The following GLIS1 variants were observed in gnomAD, a reference collection of about 807,000 sequenced individuals.
GLIS1 encodes zinc finger protein GLIS1.
Under a neutral mutation model 63.8 loss-of-function variants are expected in GLIS1, and 24 were observed. That is an observed-to-expected ratio of 0.38 (90% CI 0.27 to 0.53). The LOEUF is 0.53. Ranked by LOEUF, GLIS1 falls within the 20% of genes least tolerant of loss-of-function variation. The pLI is 0.85. For synonymous variants in GLIS1, 450 were observed against 482.5 expected (o/e 0.93, Z 0.88); for missense variants, 1,036 against 1,074.1 (o/e 0.96, Z 0.50).
At chr1:53,647,855 C>A (rs1050774139) in intron 2 of GLIS1, among the ~76,000 whole-genome samples, 1 of 151,880 alleles carries the variant, frequency 6.6e-6, no homozygotes, top group African/African-American at 2.4e-5. Context: ...ATCTTCTACA[C>A]GAAAAAAGGC....
intron 2 of GLIS1, among the ~76,000 whole-genome samples, chr1:53,642,539 C>G (rs11206185): frequency 0.15 from 22,888 of 152,158 alleles, 2,020 homozygotes; most frequent in South Asian, 0.26. Context: ...TCTGTTGGTG[C>G]TAATGAACGC....
intron 4 of GLIS1, among the ~76,000 whole-genome samples, chr1:53,559,046 GT>G (rs1644860292): frequency 6.6e-6 from 1 of 152,240 alleles, no homozygotes; most frequent in Non-Finnish European, 1.5e-5. Flanking sequence ...ACTGATGAGT[GT>G]TTGTGGTAGC....
At chr1:53,507,567 C>T (rs528655606) in intron 10 of GLIS1, among the ~76,000 whole-genome samples, 7 of 152,290 alleles carry the variant, frequency 4.6e-5, no homozygotes, top group South Asian at 4.1e-4. Context: ...CTAAGACAGG[C>T]GAGCCTCAGT....
intron 4 of GLIS1, among the ~76,000 whole-genome samples, chr1:53,544,166 A>G (rs753681289): frequency 1.3e-5 from 2 of 152,252 alleles, no homozygotes; most frequent in Non-Finnish European, 2.9e-5. Context: ...AAGGAGGACA[A>G]AAAGAAAAGG....
chr1:53,736,678 T>G (rs1646915565), intron 2 of GLIS1, among the ~76,000 whole-genome samples: 1 of 152,222 alleles, frequency 6.6e-6, no homozygotes, highest in African/African-American at 2.4e-5. Context: ...AACAAGGAGA[T>G]GAGAAGTAGT....
intron 4 of GLIS1, among the ~76,000 whole-genome samples, chr1:53,555,521 C>A (rs1644810382): frequency 6.6e-6 from 1 of 152,094 alleles, no homozygotes; most frequent in Admixed American, 6.5e-5. Context: ...TAGAGTGAGA[C>A]TCTGTCTCAA....
chr1:53,605,690 C>G (rs2100560724), intron 2 of GLIS1, among the ~76,000 whole-genome samples: 1 of 152,302 alleles, frequency 6.6e-6, no homozygotes, highest in South Asian at 2.1e-4. Flanking sequence ...CAATGTGGCC[C>G]TCAGCATGAT....
chr1:53,556,430 CAGGTGT>C (rs1480966850), intron 4 of GLIS1, among the ~76,000 whole-genome samples: 1 of 94,646 alleles, frequency 1.1e-5, no homozygotes, highest in Non-Finnish European at 2.0e-5. Flanking sequence ...TATGTGTGTG[CAGGTGT>C]ACTGCAGGTG....
At chr1:53,697,578 G>A (rs7519965) in intron 2 of GLIS1, among the ~76,000 whole-genome samples, 34,901 of 152,050 alleles carry the variant, frequency 0.23, 4,097 homozygotes, top group East Asian at 0.28. Context: ...CCCTGCTCAG[G>A]GCTCGAGAAG....
At chr1:53,706,731 A>C (rs1409321321) in intron 2 of GLIS1, among the ~76,000 whole-genome samples, 1 of 152,270 alleles carries the variant, frequency 6.6e-6, no homozygotes, top group African/African-American at 2.4e-5. Context: ...AAGTCAATAA[A>C]CAAAGGTTGT....
intron 2 of GLIS1, among the ~76,000 whole-genome samples, chr1:53,712,872 G>A (rs918212605): frequency 9.9e-5 from 15 of 152,178 alleles, no homozygotes; most frequent in African/African-American, 2.9e-4. Context: ...CGGCAAACAC[G>A]GCACTGCCAG....
chr1:53,609,403 T>G (rs571756521), intron 2 of GLIS1, among the ~76,000 whole-genome samples: 1 of 150,272 alleles, frequency 6.7e-6, no homozygotes, highest in East Asian at 2.0e-4. Flanking sequence ...CCTGAGTAGC[T>G]GCGACTACAG....
At chr1:53,690,027 C>T (rs1252091242) in intron 2 of GLIS1, among the ~76,000 whole-genome samples, 1 of 152,256 alleles carries the variant, frequency 6.6e-6, no homozygotes, top group Non-Finnish European at 1.5e-5. Context: ...GCACTGGGCT[C>T]CCTGACCCTG....
At chr1:53,551,129 G>C (rs868502086) in intron 4 of GLIS1, among the ~76,000 whole-genome samples, 1 of 152,166 alleles carries the variant, frequency 6.6e-6, no homozygotes, top group Admixed American at 6.5e-5. Context: ...TTACAGGCGT[G>C]AGCCACTGCG....
At chr1:53,520,148 G>A (rs1490219107) in intron 7 of GLIS1, among the ~76,000 whole-genome samples, 3 of 152,226 alleles carry the variant, frequency 2.0e-5, no homozygotes, top group Non-Finnish European at 2.9e-5. Context: ...GAAGCCCAGA[G>A]GAAGACTTCC....
rs1470051472 is a variant in GLIS1 at position 53,539,910 on chromosome 1, A to G, written c.1321-9958T>C. Among the ~76,000 whole-genome samples the G allele has an allele frequency of 1.3e-5, 2 of 152,046 alleles. No homozygotes were observed. The highest frequency in any genetic ancestry group is 1.3e-4 in the Admixed American group (2 of 15,276). ...CACTGACCTCTCTAGCCCAATGTCT[A>G]CTTCCCTCCCCACGCTGCAGCCACA... On this transcript the variant is annotated intron_variant, in intron 4 of 10. Coordinates refer to ENST00000628545, the MANE Select transcript of GLIS1 (RefSeq NM_001367484.1). This position sits in a 1 kb window ranked among gnomAD's most constrained non-coding sequence, Gnocchi z 5.0.
intron 2 of GLIS1, among the ~76,000 whole-genome samples, chr1:53,681,813 T>C (rs1360099155): frequency 2.7e-5 from 4 of 149,112 alleles, no homozygotes; most frequent in Non-Finnish European, 4.4e-5. Flanking sequence ...TTGCTGTGGG[T>C]GGGTGGAGCA....
At chr1:53,676,481 G>A (rs767824856) in intron 2 of GLIS1, among the ~76,000 whole-genome samples, 38 of 152,116 alleles carry the variant, frequency 2.5e-4, no homozygotes, top group African/African-American at 8.0e-4. Flanking sequence ...GGCCCTGCCC[G>A]GGTCTTCCTG....
intron 8 of GLIS1, among the ~76,000 whole-genome samples, chr1:53,514,122 T>C (rs945455669): frequency 1.3e-5 from 2 of 152,194 alleles, no homozygotes; most frequent in African/African-American, 4.8e-5. Context: ...TCCACAGTGA[T>C]CCTGAAGTAA....
Sources: allele counts gnomAD v4.1 joint callset (sites outside exome capture counted in the v4.1 genomes callset), GRCh38; gene constraint gnomAD v4.1.1; non-coding constraint Gnocchi (gnomAD v3.1); transcripts MANE v1.5; gene names NCBI Gene and HGNC (gene_info 2026-07-23, HGNC 2026-07-21).